Variants in RPS6KA5 observed in about 807,000 individuals in gnomAD.
RPS6KA5 encodes the protein ribosomal protein S6 kinase A5.
A neutral mutation model predicts 85.5 loss-of-function variants in RPS6KA5; 27 were observed. The observed-to-expected ratio is 0.32, with a 90% confidence interval of 0.23 to 0.44. The LOEUF (loss-of-function observed/expected upper bound fraction) is 0.44, where lower values mean the gene tolerates loss of function less well. RPS6KA5 is among the 20% of genes least tolerant of loss of function. RPS6KA5 has a pLI of 1.00. For synonymous variants in RPS6KA5, 334 were observed against 348.2 expected (o/e 0.96, Z 0.46); for missense variants, 811 against 980.9 (o/e 0.83, Z 2.31).
intron 9 of RPS6KA5, 123 bp from the exon 10 acceptor site, chr14:90,900,859 AT>A: frequency 1.4e-6 from 1 of 733,502 alleles, no homozygotes; most frequent in Non-Finnish European, 2.1e-6. Context: ...GATGAGTCTA[AT>A]TTTATTTTAT....
intron 2 of RPS6KA5, among the ~76,000 whole-genome samples, chr14:90,998,793 G>C (rs2040646276): frequency 6.6e-6 from 1 of 152,082 alleles, no homozygotes. Context: ...TATTCATTTT[G>C]CTTATTCACT....
chr14:90,883,813 C>T (rs919404069), intron 14 of RPS6KA5, among the ~76,000 whole-genome samples: 1 of 152,106 alleles, frequency 6.6e-6, no homozygotes, highest in African/African-American at 2.4e-5. Flanking sequence ...TATTGCTTTT[C>T]GTTTTTTGAT....
Position 90,925,490 on chromosome 14 carries a change from G to A in RPS6KA5, c.619-2294C>T, listed in dbSNP as rs544833345. 5.3e-5 allele frequency among the ~76,000 whole-genome samples: 8 copies of A among 152,252 alleles called. 1 individual carries two copies. In the South Asian group the frequency reaches 1.7e-3, roughly 32 times the overall value. ...ATTTGAGATCTGAATTTACTCTTCT[G>A]CACGGTGTGGGGAAGTAGGAAAATC... On this transcript the variant is annotated intron_variant, in intron 5 of 16. Transcript: ENST00000614987.
At chr14:90,886,384 G>A (rs1021711706) in intron 14 of RPS6KA5, among the ~76,000 whole-genome samples, 1 of 152,248 alleles carries the variant, frequency 6.6e-6, no homozygotes, top group Middle Eastern at 3.4e-3. Flanking sequence ...ACTGTGTACC[G>A]TGGACTGAAT....
chr14:91,050,546 A>C (rs2043036775), intron 1 of RPS6KA5, among the ~76,000 whole-genome samples: 1 of 152,136 alleles, frequency 6.6e-6, no homozygotes, highest in African/African-American at 2.4e-5. Flanking sequence ...CTCTTGCCTA[A>C]GCCTCCCAAG....
chr14:90,957,912 TAGA>T (rs2038607625), intron 3 of RPS6KA5, among the ~76,000 whole-genome samples: 1 of 151,072 alleles, frequency 6.6e-6, no homozygotes. Flanking sequence ...AAGGCCGAGG[TAGA>T]AGGATAGCTT....
intron 1 of RPS6KA5, among the ~76,000 whole-genome samples, chr14:91,019,886 A>G (rs2041672853): frequency 6.6e-6 from 1 of 152,076 alleles, no homozygotes; most frequent in African/African-American, 2.4e-5. Context: ...TCATTAAGCA[A>G]CTCTGTCATT....
intron 5 of RPS6KA5, among the ~76,000 whole-genome samples, chr14:90,933,037 A>C (rs1486739849): frequency 6.6e-6 from 1 of 152,248 alleles, no homozygotes; most frequent in African/African-American, 2.4e-5. Flanking sequence ...CATATGTGGA[A>C]GACAATAAGG....
intron 1 of RPS6KA5, among the ~76,000 whole-genome samples, chr14:91,010,138 C>T (rs2041196093): frequency 6.6e-6 from 1 of 151,130 alleles, no homozygotes. Flanking sequence ...ACATTTTTTA[C>T]TAAATTTTTG....
Position 90,962,129 on chromosome 14 carries a change from T to G in RPS6KA5, c.395-14579A>C, listed in dbSNP as rs79661559. ...AGAAAGCTATAAACACAGATTACAC[T>G]GTTTTGGAAAAATTATACTCTCCCC... On this transcript the variant is annotated intron_variant, in intron 3 of 16. Coordinates refer to ENST00000614987, the MANE Select transcript of RPS6KA5 (RefSeq NM_004755.4). Among the ~76,000 whole-genome samples the G allele has an allele frequency of 8.2e-3, 1,248 of 152,314 alleles. 8 individuals carry two copies. Among genetic ancestry groups the G allele is most frequent in the Middle Eastern group, 0.02 (6 of 294 alleles).
intron 5 of RPS6KA5, among the ~76,000 whole-genome samples, chr14:90,932,388 C>T (rs529670473): frequency 6.6e-6 from 1 of 152,250 alleles, no homozygotes; most frequent in South Asian, 2.1e-4. Context: ...GATCCTCCTA[C>T]CTCGGCCTCC....
At chr14:91,034,555 T>C (rs1411427205) in intron 1 of RPS6KA5, among the ~76,000 whole-genome samples, 1 of 152,074 alleles carries the variant, frequency 6.6e-6, no homozygotes, top group Non-Finnish European at 1.5e-5. Flanking sequence ...CAATCAGCAC[T>C]CTGTAAAATG....
chr14:90,876,311 A>G (rs1006868049), intron 14 of RPS6KA5, among the ~76,000 whole-genome samples: 3 of 148,346 alleles, frequency 2.0e-5, no homozygotes, highest in Non-Finnish European at 4.4e-5. Flanking sequence ...AGGACATGTA[A>G]CTATGGTTAA....
chr14:91,057,616 G>A (rs1045546725), intron 1 of RPS6KA5, among the ~76,000 whole-genome samples: 3 of 152,134 alleles, frequency 2.0e-5, no homozygotes, highest in Admixed American at 6.6e-5. Flanking sequence ...TGAGAAGACT[G>A]GACATATACA....
intron 1 of RPS6KA5, among the ~76,000 whole-genome samples, chr14:91,042,026 C>T (rs183938882): frequency 1.5e-4 from 23 of 152,128 alleles, no homozygotes; most frequent in Admixed American, 1.5e-3. Context: ...AGAAAGAGAA[C>T]ATTAAGCTTA....
In RPS6KA5 at chr14:90,902,948, C is replaced by T; in HGVS notation, c.979G>A (p.Ala327Thr). ...AATGGTGCAGGCACTTTTTTGGCGG[C>T]TAAATCATCCCAATTTATTTTCTAA... ...FFQKINWDDLAAKKVPAPFKP... is the reference protein window; with the variant it reads ...FFQKINWDDLTAKKVPAPFKP... The change falls in exon 9 of 17, where the codon GCC becomes ACC. Residue 327 changes from alanine to threonine, a missense_variant. Ala to Thr is a moderately conservative substitution (Grantham distance 58). This residue lies in a region of RPS6KA5 where 650 missense variants were observed against 793.4 expected (regional missense o/e 0.82). Coordinates refer to ENST00000614987, the MANE Select transcript of RPS6KA5 (RefSeq NM_004755.4). 3 of 1,610,962 alleles carry T rather than the reference C, an allele frequency of 1.9e-6. No individual in the cohort carries two copies. Among genetic ancestry groups the T allele is most frequent in the Non-Finnish European group, 2.5e-6 (3 of 1,178,384 alleles).
chr14:90,892,554 T>G (rs2034623124), intron 13 of RPS6KA5, among the ~76,000 whole-genome samples: 1 of 152,134 alleles, frequency 6.6e-6, no homozygotes, highest in African/African-American at 2.4e-5. Context: ...AAATTGGATG[T>G]ATGCAACTTT....
intron 1 of RPS6KA5, among the ~76,000 whole-genome samples, chr14:91,020,431 T>A (rs766853556): frequency 6.6e-6 from 1 of 152,152 alleles, no homozygotes; most frequent in African/African-American, 2.4e-5. Flanking sequence ...GTATAGATTA[T>A]ATGCAAATAC....
chr14:90,975,592 A>G (rs2039528420), intron 3 of RPS6KA5, among the ~76,000 whole-genome samples: 1 of 152,048 alleles, frequency 6.6e-6, no homozygotes, highest in Non-Finnish European at 1.5e-5. Flanking sequence ...GGAGAAACCA[A>G]CCCTAGTGGC....
Sources: allele counts gnomAD v4.1 joint callset (sites outside exome capture counted in the v4.1 genomes callset), GRCh38; gene constraint gnomAD v4.1.1; regional missense constraint gnomAD v4.1.1; transcripts MANE v1.5; gene names NCBI Gene and HGNC (gene_info 2026-07-23, HGNC 2026-07-21).